RGS7: variants seen among roughly 807,000 people sequenced by gnomAD.
RGS7 encodes the protein regulator of G-protein signaling 7.
RGS7 carries 27 observed loss-of-function variants against 81.1 expected under a neutral mutation model. The ratio of observed to expected loss-of-function variants is 0.33; its 90% CI spans 0.25 to 0.46. RGS7 has a LOEUF of 0.46. Ranked by LOEUF, RGS7 falls within the 20% of genes least tolerant of loss-of-function variation. The probability of loss-of-function intolerance (pLI) is 1.00; values close to 1 mark genes in which losing one functional copy is unlikely to be tolerated. For synonymous variants in RGS7, 208 were observed against 207.7 expected (o/e 1.00, Z -0.01); for missense variants, 396 against 607.4 (o/e 0.65, Z 3.66).
chr1:241,155,045 C>T (rs1409150641), intron 2 of RGS7, among the ~76,000 whole-genome samples: 1 of 152,110 alleles, frequency 6.6e-6, no homozygotes, highest in Non-Finnish European at 1.5e-5. Context: ...AAATTTCATA[C>T]TTAGTAATGA....
intron 5 of RGS7, among the ~76,000 whole-genome samples, chr1:240,931,618 TAAATAA>T (rs1675460287): frequency 6.6e-6 from 1 of 151,948 alleles, no homozygotes; most frequent in African/African-American, 2.4e-5. Context: ...CTACAAAAAA[TAAATAA>T]AAATAGAAAC....
chr1:240,874,449 T>C (rs891969459), intron 6 of RGS7, among the ~76,000 whole-genome samples: 7 of 152,272 alleles, frequency 4.6e-5, no homozygotes, highest in African/African-American at 1.7e-4. Flanking sequence ...TTTTATTACA[T>C]TTTTCATTGG....
chr1:241,134,575 A>G (rs528132367), intron 2 of RGS7, among the ~76,000 whole-genome samples: 1 of 152,240 alleles, frequency 6.6e-6, no homozygotes, highest in African/African-American at 2.4e-5. Flanking sequence ...AATGGATATT[A>G]GATGACTATC....
At chr1:241,123,432 A>G (rs1426485515) in intron 2 of RGS7, among the ~76,000 whole-genome samples, 2 of 152,136 alleles carry the variant, frequency 1.3e-5, no homozygotes, top group East Asian at 1.9e-4. Flanking sequence ...CTAAGATACA[A>G]TCACTCAAAG....
At chr1:241,112,494 G>A (rs1278698970) in intron 2 of RGS7, among the ~76,000 whole-genome samples, 1 of 152,092 alleles carries the variant, frequency 6.6e-6, no homozygotes, top group African/African-American at 2.4e-5. Context: ...CACTTTAAAA[G>A]GACAAAAGCA....
chr1:240,864,434 A>G (rs1172119975), intron 9 of RGS7, among the ~76,000 whole-genome samples: 1 of 152,186 alleles, frequency 6.6e-6, no homozygotes, highest in African/African-American at 2.4e-5. Flanking sequence ...GGATAAAAGT[A>G]TTCCCCAAAC....
intron 3 of RGS7, among the ~76,000 whole-genome samples, chr1:241,071,895 A>AAAAAAAAAAAAAAAAAAAAAAAC (rs2062486752): frequency 6.8e-6 from 1 of 147,898 alleles, no homozygotes; most frequent in African/African-American, 2.5e-5. Context: ...AAAAAAAAAA[A>AAAAAAAAAAAAAAAAAAAAAAAC]CAAGAAAGAA....
intron 4 of RGS7, among the ~76,000 whole-genome samples, chr1:240,960,096 C>T (rs1572001740): frequency 1.3e-5 from 2 of 151,616 alleles, no homozygotes; most frequent in Admixed American, 1.3e-4. Flanking sequence ...TTGCAGTGAG[C>T]CGAGATCACA....
intron 3 of RGS7, among the ~76,000 whole-genome samples, chr1:241,086,620 C>T (rs555584158): frequency 3.3e-5 from 5 of 152,040 alleles, no homozygotes; most frequent in Admixed American, 6.6e-5. Context: ...TTTCCCCCCA[C>T]CCAGAGGAAT....
chr1:241,147,789 TATATATATATATATATATATATATATA>T lies in RGS7; in HGVS notation c.79-49054_79-49028del, dbSNP rs1558128731. On this transcript the variant is annotated intron_variant, in intron 2 of 18. Coordinates refer to ENST00000440928, the MANE Select transcript of RGS7 (RefSeq NM_001364886.1). The stretch of plus-strand genomic sequence containing the variant: ...CCATCTAGATTAAGTTTTATATATA[TATATATATATATATATATATATATATA>T]TATGTAAGAATCAATGCAATATCAT... Among the ~76,000 whole-genome samples, 404 of 110,010 alleles carry T rather than the reference TATATATATATATATATATATATATATA, an allele frequency of 3.7e-3. 18 individuals are homozygous for T. The East Asian group carries it at 0.078, about 21-fold the overall frequency. 72.2% of individuals were successfully genotyped at this position (110,010 alleles called of 152,430 possible).
intron 4 of RGS7, among the ~76,000 whole-genome samples, chr1:240,961,693 A>G (rs912324771): frequency 1.3e-5 from 2 of 152,216 alleles, no homozygotes; most frequent in Admixed American, 6.5e-5. Context: ...TTTGGCATTG[A>G]ACTGGTACCT....
At chr1:240,803,204 C>T (rs182013829) in intron 15 of RGS7, among the ~76,000 whole-genome samples, 1 of 152,004 alleles carries the variant, frequency 6.6e-6, no homozygotes, top group Non-Finnish European at 1.5e-5. Flanking sequence ...TTAGGAGCTA[C>T]TGAGGAGGCA....
Position 240,937,561 on chromosome 1 carries a change from T to G in RGS7, c.227-855A>C, listed in dbSNP as rs555368128. On this transcript the variant is annotated intron_variant, in intron 4 of 18. Coordinates refer to ENST00000440928, the MANE Select transcript of RGS7 (RefSeq NM_001364886.1). ...TAAAATGGGAAGGCTCTTCTCAATCTGTAGAGTATGTCTCCCTCATTTTAT... is the reference window on the plus strand; with the variant it reads ...TAAAATGGGAAGGCTCTTCTCAATCGGTAGAGTATGTCTCCCTCATTTTAT... Among the ~76,000 whole-genome samples, 105 of 152,334 alleles carry G rather than the reference T, an allele frequency of 6.9e-4. 1 individual carries two copies. The highest frequency in any genetic ancestry group is 2.4e-3 in the African/African-American group (100 of 41,580).
At chr1:241,211,476 C>G (rs1337390291) in intron 2 of RGS7, among the ~76,000 whole-genome samples, 1 of 152,110 alleles carries the variant, frequency 6.6e-6, no homozygotes, top group Non-Finnish European at 1.5e-5. Context: ...GAGTAGTGAG[C>G]AACACGAGGT....
At chr1:241,099,116 T>C (rs957654516) in intron 2 of RGS7, among the ~76,000 whole-genome samples, 3 of 152,206 alleles carry the variant, frequency 2.0e-5, no homozygotes, top group Non-Finnish European at 2.9e-5. Flanking sequence ...TCATTAATGT[T>C]ACCTCTACTG....
In RGS7 at chr1:241,212,220, T is replaced by C. The variant is rs147164824; in HGVS notation, c.79-113458A>G. On this transcript the variant is annotated intron_variant, in intron 2 of 18. Transcript: ENST00000440928. Reference sequence around the variant, plus strand: ...AACTGGATACACTGAAGGAAGTGTATTCACTTATGGTTTATAAACATTCCA... The same window carrying C: ...AACTGGATACACTGAAGGAAGTGTACTCACTTATGGTTTATAAACATTCCA... 3.5e-3 allele frequency among the ~76,000 whole-genome samples: 536 copies of C among 152,234 alleles called. 3 individuals carry two copies. Among genetic ancestry groups the C allele is most frequent in the African/African-American group, 0.012 (500 of 41,550 alleles).
At chr1:241,086,301 T>C (rs2063440644) in intron 3 of RGS7, among the ~76,000 whole-genome samples, 2 of 152,186 alleles carry the variant, frequency 1.3e-5, no homozygotes, top group Non-Finnish European at 2.9e-5. Context: ...GAATCTCTTG[T>C]GTTTCCCAAT....
intron 14 of RGS7, among the ~76,000 whole-genome samples, chr1:240,807,970 G>A (rs775497408): frequency 2.7e-5 from 4 of 150,788 alleles, no homozygotes; most frequent in Non-Finnish European, 4.4e-5. Context: ...GGAAAGTGGA[G>A]GTTGCAGTGA....
chr1:241,176,247 C>T (rs1212061628), intron 2 of RGS7, among the ~76,000 whole-genome samples: 1 of 152,134 alleles, frequency 6.6e-6, no homozygotes, highest in Non-Finnish European at 1.5e-5. Flanking sequence ...GGAACATTAT[C>T]CTAAGATAGG....
Sources: gnomAD v4.1 joint callset for allele counts (sites outside exome capture counted in the v4.1 genomes callset) on GRCh38, gnomAD v4.1.1 for gene constraint, MANE v1.5 for transcripts, NCBI Gene and HGNC (gene_info 2026-07-23, HGNC 2026-07-21) for gene names.